Variants in NHLRC2 observed in about 807,000 individuals in gnomAD.
NHLRC2 encodes the protein NHL repeat-containing protein 2.
A neutral mutation model predicts 68.1 loss-of-function variants in NHLRC2; 33 were observed. That is an observed-to-expected ratio of 0.48 (90% confidence interval 0.37 to 0.65). The LOEUF (loss-of-function observed/expected upper bound fraction) is 0.65, where lower values mean the gene tolerates loss of function less well. Ranked by LOEUF, NHLRC2 falls within the 30% of genes least tolerant of loss-of-function variation. The pLI is 0.00. For synonymous variants in NHLRC2, 311 were observed against 309.6 expected (o/e 1.00, Z -0.05); for missense variants, 761 against 853.8 (o/e 0.89, Z 1.35).
chr10:113,866,626 C>G (rs932392964), intron 2 of NHLRC2, among the ~76,000 whole-genome samples: 1 of 151,816 alleles, frequency 6.6e-6, no homozygotes, highest in African/African-American at 2.4e-5. Flanking sequence ...CTGTTTTATA[C>G]TTTATTAAAA....
At chr10:113,864,742 A>G (rs1845848778) in intron 2 of NHLRC2, among the ~76,000 whole-genome samples, 1 of 151,670 alleles carries the variant, frequency 6.6e-6, no homozygotes, top group African/African-American at 2.4e-5. Context: ...GTTTTTAACA[A>G]CTATTTTAAA....
Position 113,858,583 on chromosome 10 carries a change from A to G in NHLRC2, c.234A>G (p.Gly78=). ...TTTCTGTCTACAAGGATCTATGTGG[A>G]AAAATAGTCGTCCTTGATTTCTTCA... The part of the protein sequence containing the change: ...EPISVYKDLC[G]KIVVLDFFTY... Residue 78 remains glycine (G), a synonymous_variant, in exon 2 of 11, where the codon GGA becomes GGG. Transcript: ENST00000369301. 1 of 1,609,990 alleles carries G rather than the reference A, an allele frequency of 6.2e-7. No individual in the cohort carries two copies. The highest frequency in any genetic ancestry group is 8.5e-7 in the Non-Finnish European group (1 of 1,176,278).
chr10:113,904,217 A>G (rs2134739612), intron 9 of NHLRC2, among the ~76,000 whole-genome samples: 1 of 152,158 alleles, frequency 6.6e-6, no homozygotes, highest in African/African-American at 2.4e-5. Context: ...GACATCGAAA[A>G]TAAGATTGTG....
rs1846237711 is a variant in NHLRC2 at position 113,902,495 on chromosome 10, G to C, written c.1396G>C (p.Asp466His). 1 of 1,581,910 alleles carries C rather than the reference G, an allele frequency of 6.3e-7. No individual in the cohort carries two copies. The highest frequency in any genetic ancestry group is 8.6e-7 in the Non-Finnish European group (1 of 1,166,442). Reference protein sequence around the residue: ...PMNLFAFGDVDGVGINAKLQH... With the variant: ...PMNLFAFGDVHGVGINAKLQH... ...GAATTTATTTGCTTTTGGTGATGTT[G>C]ATGGAGTAGGAATCAATGCAAAGCT... Residue 466 changes from aspartate to histidine, a missense_variant, in exon 8 of 11, where the codon GAT becomes CAT. Coordinates refer to ENST00000369301, the MANE Select transcript of NHLRC2 (RefSeq NM_198514.4).
Position 113,908,762 on chromosome 10 carries a change from T to C in NHLRC2, c.*226T>C, listed in dbSNP as rs1488605204. ...TACTAGCTGAGTCATTGATCATCAT[T>C]GGTACCATGATATTGTAATCTATGC... On this transcript the variant is annotated 3_prime_UTR_variant, in exon 11 of 11. Coordinates refer to ENST00000369301, the MANE Select transcript of NHLRC2 (RefSeq NM_198514.4). 9.1e-6 allele frequency: 5 copies of C among 548,154 alleles called. No individual in the cohort carries two copies. Among genetic ancestry groups the C allele is most frequent in the African/African-American group, 1.9e-5 (1 of 52,982 alleles). The allele number at this position is 548,154 out of a possible 1,614,324, so 34.0% of individuals were successfully genotyped here. A position where few individuals can be genotyped will look rare whatever the true frequency, so the allele number is the denominator to read the frequency against.
At position 113,912,882 on chromosome 10, in the gene NHLRC2, C is replaced by T. The variant is rs1164505199; in HGVS notation, c.*4346C>T. 6.6e-6 allele frequency: 1 copy of T among 152,172 alleles called. No individual in the cohort carries two copies. The highest frequency in any genetic ancestry group is 2.4e-5 in the African/African-American group (1 of 41,426). The allele number at this position is 152,172 out of a possible 1,614,324, so 9.4% of individuals were successfully genotyped here. ...GTGGAGCCTTTATTCAGGCACGGGT[C>T]TCCTCATTCCTAACTCCAAGATGCA... On this transcript the variant is annotated 3_prime_UTR_variant, in exon 11 of 11. Coordinates refer to ENST00000369301, the MANE Select transcript of NHLRC2 (RefSeq NM_198514.4).
rs1260861161 is a variant in NHLRC2, at chr10:113,915,949, A to G, written c.*7413A>G. 6.6e-6 allele frequency: 1 copy of G among 152,240 alleles called. No homozygotes were observed. Among genetic ancestry groups the G allele is most frequent in the Non-Finnish European group, 1.5e-5 (1 of 68,102 alleles). The allele number at this position is 152,240 out of a possible 1,614,324, so 9.4% of individuals were successfully genotyped here. On this transcript the variant is annotated 3_prime_UTR_variant, in exon 11 of 11. Transcript: ENST00000369301. ...CTGGCCTGTTATTCCTTCTTTATCT[A>G]ATGTGTGCTAAGCTTGTGAAAAATA... is the stretch of plus-strand genomic sequence containing the variant.
chr10:113,891,638 A>C (rs1203534331), intron 5 of NHLRC2, among the ~76,000 whole-genome samples: 1 of 152,032 alleles, frequency 6.6e-6, no homozygotes, highest in Non-Finnish European at 1.5e-5. Context: ...GGGTTTTCTT[A>C]GTGTTAGTGC....
chr10:113,866,675 C>A (rs1382796605), intron 2 of NHLRC2, among the ~76,000 whole-genome samples: 1 of 151,668 alleles, frequency 6.6e-6, no homozygotes, highest in African/African-American at 2.4e-5. Flanking sequence ...GTAAAATAAG[C>A]CTTTAAATAA....
At chr10:113,860,609 T>A (rs1353759083) in intron 2 of NHLRC2, among the ~76,000 whole-genome samples, 1 of 152,046 alleles carries the variant, frequency 6.6e-6, no homozygotes, top group Non-Finnish European at 1.5e-5. Context: ...GATACATATC[T>A]ATGAGACAAA....
chr10:113,855,401 C>G (rs1400812488), intron 1 of NHLRC2, among the ~76,000 whole-genome samples: 1 of 152,212 alleles, frequency 6.6e-6, no homozygotes, highest in Non-Finnish European at 1.5e-5. Flanking sequence ...TCCCCAGTGT[C>G]TTCTGGTCAT....
At position 113,908,619 on chromosome 10, in the gene NHLRC2, C is replaced by G. The variant is rs1846296190; in HGVS notation, c.*83C>G. The G allele has an allele frequency of 7.3e-7, 1 of 1,367,644 alleles. No individual in the cohort carries two copies. Among genetic ancestry groups the G allele is most frequent in the South Asian group, 1.3e-5 (1 of 79,408 alleles). The allele number at this position is 1,367,644 out of a possible 1,614,324, so 84.7% of individuals were successfully genotyped here. A position where few individuals can be genotyped will look rare whatever the true frequency, so the allele number is the denominator to read the frequency against. ...ACTGTAATTTAAGGAAAGAAAACTT[C>G]AGTTCTGCCTCTGGATACCAAGATG... is the stretch of plus-strand genomic sequence containing the variant. On this transcript the variant is annotated 3_prime_UTR_variant, in exon 11 of 11. Coordinates refer to ENST00000369301, the MANE Select transcript of NHLRC2 (RefSeq NM_198514.4).
At position 113,903,524 on chromosome 10, in the gene NHLRC2, T is replaced by C. The variant is rs767906374; in HGVS notation, c.1495-3T>C. The C allele has an allele frequency of 1.3e-6, 2 of 1,576,850 alleles. No individual in the cohort carries two copies. The highest frequency in any genetic ancestry group is 1.1e-5 in the South Asian group (1 of 88,194). Reference sequence around the variant, plus strand: ...ATATAAGTTTTTGTTCTTTCTTTTTTAGATTAAAGTTGTGGATCCAAAAAC... The same window carrying C: ...ATATAAGTTTTTGTTCTTTCTTTTTCAGATTAAAGTTGTGGATCCAAAAAC... On this transcript the variant is annotated splice_polypyrimidine_tract_variant and splice_region_variant and intron_variant, in intron 8 of 10. Coordinates refer to ENST00000369301, the MANE Select transcript of NHLRC2 (RefSeq NM_198514.4).
intron 5 of NHLRC2, among the ~76,000 whole-genome samples, chr10:113,893,901 TA>T (rs1363355832): frequency 2.0e-5 from 3 of 152,210 alleles, no homozygotes; most frequent in Non-Finnish European, 4.4e-5. Flanking sequence ...TAAATTTGCC[TA>T]ACTCACCCTT....
At chr10:113,880,217 C>G (rs1263921814) in intron 4 of NHLRC2, among the ~76,000 whole-genome samples, 3 of 151,902 alleles carry the variant, frequency 2.0e-5, no homozygotes, top group Non-Finnish European at 1.5e-5. Context: ...CAGAGGTAAC[C>G]ATCCACTGTT....
chr10:113,878,038 C>G (rs1846000734), intron 3 of NHLRC2, among the ~76,000 whole-genome samples: 1 of 152,168 alleles, frequency 6.6e-6, no homozygotes, highest in African/African-American at 2.4e-5. Flanking sequence ...CAGCAGCAAG[C>G]TACACTACCC....
At chr10:113,885,533 T>C (rs1270977300) in intron 5 of NHLRC2, among the ~76,000 whole-genome samples, 1 of 151,964 alleles carries the variant, frequency 6.6e-6, no homozygotes, top group African/African-American at 2.4e-5. Flanking sequence ...TCTTCACCAG[T>C]ACTTTTCACT....
intron 2 of NHLRC2, among the ~76,000 whole-genome samples, chr10:113,870,295 T>C (rs1845909852): frequency 6.6e-6 from 1 of 152,184 alleles, no homozygotes; most frequent in African/African-American, 2.4e-5. Flanking sequence ...GAAACAGATA[T>C]TCATTCTATC....
At chr10:113,881,367 T>G (rs1846034735) in intron 4 of NHLRC2, among the ~76,000 whole-genome samples, 1 of 151,878 alleles carries the variant, frequency 6.6e-6, no homozygotes, top group Non-Finnish European at 1.5e-5. Context: ...TTATATTCTG[T>G]GACTTAATAT....
Sources: gnomAD v4.1 joint callset for allele counts (sites outside exome capture counted in the v4.1 genomes callset) on GRCh38, gnomAD v4.1.1 for gene constraint, MANE v1.5 for transcripts, NCBI Gene and HGNC (gene_info 2026-07-23, HGNC 2026-07-21) for gene names.